DLGAP2: variants seen among roughly 807,000 people sequenced by gnomAD.
DLGAP2 encodes the protein DLG associated protein 2, also known as disks large-associated protein 2.
A neutral mutation model predicts 100.3 loss-of-function variants in DLGAP2; 26 were observed. The observed-to-expected ratio is 0.26, with a 90% confidence interval of 0.19 to 0.36. The LOEUF is 0.36. Ranked by LOEUF, DLGAP2 falls within the 10% of genes least tolerant of loss-of-function variation. The pLI, the probability that DLGAP2 is intolerant of heterozygous loss-of-function variation, is 1.00. For synonymous variants in DLGAP2, 886 were observed against 630.1 expected (o/e 1.41, Z -6.08); for missense variants, 1,858 against 1,453.2 (o/e 1.28, Z -4.53).
intron 2 of DLGAP2, among the ~76,000 whole-genome samples, chr8:1,205,439 T>C (rs868535570): frequency 3.9e-5 from 6 of 152,036 alleles, no homozygotes; most frequent in Middle Eastern, 3.4e-3. Flanking sequence ...GAAAAGGCTC[T>C]AGAAACACGT....
intron 5 of DLGAP2, among the ~76,000 whole-genome samples, chr8:1,565,296 C>T (rs553845699): frequency 4.2e-4 from 33 of 78,574 alleles, no homozygotes; most frequent in African/African-American, 1.7e-3. Flanking sequence ...CATTTTCTCC[C>T]TTGTTTTCTT....
At chr8:779,430 C>T (rs748069087) in intron 1 of DLGAP2, among the ~76,000 whole-genome samples, 30 of 151,992 alleles carry the variant, frequency 2.0e-4, no homozygotes, top group South Asian at 8.3e-4. Flanking sequence ...CAGTCCAGAG[C>T]ATGCTTTTCT....
intron 8 of DLGAP2, among the ~76,000 whole-genome samples, chr8:1,667,356 CTGTACAGCCG>C (rs1389777509): frequency 6.6e-6 from 1 of 152,154 alleles, no homozygotes; most frequent in Non-Finnish European, 1.5e-5. Flanking sequence ...GCCTGTCCAG[CTGTACAGCCG>C]GTGGTACAGA....
intron 1 of DLGAP2, among the ~76,000 whole-genome samples, chr8:838,621 A>C (rs1333844659): frequency 6.6e-6 from 1 of 152,128 alleles, no homozygotes. Flanking sequence ...AGGGACACCA[A>C]AAAAAGGGAA....
At chr8:1,550,240 ATCT>A (rs1417214762) in intron 5 of DLGAP2, among the ~76,000 whole-genome samples, 1 of 152,114 alleles carries the variant, frequency 6.6e-6, no homozygotes, top group South Asian at 2.1e-4. Flanking sequence ...TATGTACCGC[ATCT>A]TCTTTATCCA....
At chr8:1,384,512 G>T (rs867578990) in intron 3 of DLGAP2, among the ~76,000 whole-genome samples, 1 of 84,994 alleles carries the variant, frequency 1.2e-5, no homozygotes. Context: ...GCCTGTGCCC[G>T]GCCCCTGAGA....
chr8:1,109,020 G>A (rs1804869728), intron 2 of DLGAP2, among the ~76,000 whole-genome samples: 2 of 141,764 alleles, frequency 1.4e-5, no homozygotes, highest in South Asian at 2.4e-4. Flanking sequence ...GGGTCTGTGA[G>A]GTGTGAATGT....
At chr8:1,472,360 C>T (rs1276622160) in intron 3 of DLGAP2, among the ~76,000 whole-genome samples, 1 of 152,198 alleles carries the variant, frequency 6.6e-6, no homozygotes, top group Non-Finnish European at 1.5e-5. Context: ...TCTGGTAAAT[C>T]CCAAAGCGGG....
chr8:1,162,123 A>G lies in DLGAP2; in HGVS notation c.74-96728A>G, dbSNP rs112349658. On this transcript the variant is annotated intron_variant, in intron 2 of 14. Coordinates refer to ENST00000637795, the MANE Select transcript of DLGAP2 (RefSeq NM_001346810.2). ...CCCGTAAGCCCGTGGGGCAGATTCC[A>G]CAGGAGGCTACGGAGGCAGGAAGCC... 6.7e-3 allele frequency among the ~76,000 whole-genome samples: 1,025 copies of G among 152,296 alleles called. 14 individuals are homozygous for G. Among genetic ancestry groups the G allele is most frequent in the African/African-American group, 0.023 (967 of 41,564 alleles).
At chr8:1,521,915 T>C (rs1184687468) in intron 4 of DLGAP2, among the ~76,000 whole-genome samples, 1 of 143,830 alleles carries the variant, frequency 7.0e-6, no homozygotes. Context: ...GCAGGTGATA[T>C]GGGGCATCTG....
intron 1 of DLGAP2, among the ~76,000 whole-genome samples, chr8:888,656 G>T (rs548348206): frequency 1.3e-5 from 2 of 150,776 alleles, no homozygotes; most frequent in South Asian, 2.1e-4. Context: ...GCTGCAGTTT[G>T]CTGGGGGTTC....
rs34246139 is a variant in DLGAP2 at position 1,434,484 on chromosome 8, G to GTT, written c.107-66873_107-66872dup. Among the ~76,000 whole-genome samples, 17 of 149,500 alleles carry GTT rather than the reference G, an allele frequency of 1.1e-4. No individual in the cohort carries two copies. The South Asian group carries it at 2.8e-3, about 24-fold the overall frequency. On this transcript the variant is annotated intron_variant, in intron 3 of 14. Coordinates refer to ENST00000637795, the MANE Select transcript of DLGAP2 (RefSeq NM_001346810.2). ...GGAGTGTCAGCATTTTGGGTTTTGG[G>GTT]TTTTTTTTTTGAGACAGTGTCTCAC...
intron 2 of DLGAP2, among the ~76,000 whole-genome samples, chr8:1,031,428 T>C (rs921974397): frequency 3.3e-5 from 5 of 152,144 alleles, no homozygotes; most frequent in Non-Finnish European, 7.4e-5. Context: ...TGTTTATTTT[T>C]TGAGACAGGG....
At chr8:1,470,759 C>CCCCCAGG (rs1798760364) in intron 3 of DLGAP2, among the ~76,000 whole-genome samples, 7 of 123,452 alleles carry the variant, frequency 5.7e-5, no homozygotes, top group South Asian at 2.7e-4. Context: ...TTCCCCGACT[C>CCCCCAGG]CTCCAGCCTT....
intron 10 of DLGAP2, among the ~76,000 whole-genome samples, chr8:1,673,160 T>C (rs1489436098): frequency 1.3e-5 from 2 of 152,156 alleles, no homozygotes; most frequent in Non-Finnish European, 2.9e-5. Flanking sequence ...TGGAGTGCAG[T>C]GGTGCAATCA....
chr8:777,031 C>T, intron 1 of DLGAP2, among the ~76,000 whole-genome samples: 1 of 151,554 alleles, frequency 6.6e-6, no homozygotes, highest in African/African-American at 2.4e-5. Context: ...AATCTTGGTG[C>T]TCCTGTATTG....
chr8:1,547,533 A>C (rs2130509593), intron 4 of DLGAP2, among the ~76,000 whole-genome samples: 1 of 152,212 alleles, frequency 6.6e-6, no homozygotes, highest in African/African-American at 2.4e-5. Context: ...GGGGCCTGCC[A>C]GAAGGAGGAA....
intron 2 of DLGAP2, among the ~76,000 whole-genome samples, chr8:1,031,870 A>T (rs865956790): frequency 5.3e-5 from 8 of 152,288 alleles, no homozygotes; most frequent in Middle Eastern, 3.4e-3. Context: ...AAATGAATTC[A>T]CCTGTGGCCA....
intron 6 of DLGAP2, among the ~76,000 whole-genome samples, chr8:1,588,734 T>G (rs1217811213): frequency 1.7e-5 from 2 of 115,382 alleles, no homozygotes; most frequent in Non-Finnish European, 3.5e-5. Context: ...AAAGCTGTCT[T>G]TACTAAAAAA....
Sources: allele counts gnomAD v4.1 joint callset (sites outside exome capture counted in the v4.1 genomes callset), GRCh38; gene constraint gnomAD v4.1.1; transcripts MANE v1.5; gene names NCBI Gene and HGNC (gene_info 2026-07-23, HGNC 2026-07-21).